CFTR: variants seen among roughly 807,000 people sequenced by gnomAD.
The protein encoded by CFTR is CF transmembrane conductance regulator.
A neutral mutation model predicts 171.6 loss-of-function variants in CFTR; 181 were observed. The ratio of observed to expected loss-of-function variants is 1.05; its 90% confidence interval spans 0.93 to 1.19. The LOEUF (loss-of-function observed/expected upper bound fraction) is 1.19. CFTR is among the 50% of genes most tolerant of loss of function. The probability of loss-of-function intolerance (pLI) is 0.00; values close to 1 mark genes in which losing one functional copy is unlikely to be tolerated. For synonymous variants in CFTR, 583 were observed against 608.0 expected, an observed-to-expected ratio of 0.96 and a Z score of 0.60; for missense variants, 1,968 against 1,734.7, an observed-to-expected ratio of 1.13 and a Z score of -2.39.
In CFTR at chr7:117,559,666, A is replaced by T; in HGVS notation, c.1584+11A>T. 2 of 1,605,516 alleles carry T rather than the reference A, an allele frequency of 1.2e-6. No individual in the cohort carries two copies. The stretch of plus-strand genomic sequence containing the variant: ...TGCCAACTAGAAGAGGTAAGAAACT[A>T]TGTGAAAACTTTTTGATTATGCATA... On this transcript the variant is annotated intron_variant, in intron 11 of 26. Transcript: ENST00000003084.
chr7:117,521,192 C>A (rs1343743189), intron 3 of CFTR, among the ~76,000 whole-genome samples: 5 of 151,880 alleles, frequency 3.3e-5, no homozygotes, highest in Non-Finnish European at 7.4e-5. Context: ...ATTTTTTAAA[C>A]CTCGATCTAT....
intron 9 of CFTR, 131 bp from the exon 10 acceptor site, chr7:117,548,510 C>CA: frequency 6.7e-7 from 1 of 1,488,030 alleles, no homozygotes; most frequent in Non-Finnish European, 9.1e-7. Context: ...ATAATGTATA[C>CA]AGTGTAATGG....
chr7:117,663,108 C>A (rs1289702886), intron 24 of CFTR, among the ~76,000 whole-genome samples: 2 of 152,078 alleles, frequency 1.3e-5, no homozygotes, highest in African/African-American at 4.8e-5. Context: ...ACTAAATGGG[C>A]AGATGTTGAA....
intron 12 of CFTR, among the ~76,000 whole-genome samples, chr7:117,589,817 C>G (rs973926887): frequency 6.6e-6 from 1 of 151,960 alleles, no homozygotes; most frequent in African/African-American, 2.4e-5. Context: ...AAAATAATTT[C>G]ACATAAGTAA....
intron 7 of CFTR, among the ~76,000 whole-genome samples, chr7:117,538,108 A>C (rs1798987629): frequency 6.6e-6 from 1 of 152,186 alleles, no homozygotes; most frequent in Non-Finnish European, 1.5e-5. Flanking sequence ...TGTAACCTGT[A>C]TAATCTGGCA....
At chr7:117,644,983 A>G (rs1204396773) in intron 23 of CFTR, among the ~76,000 whole-genome samples, 2 of 152,198 alleles carry the variant, frequency 1.3e-5, no homozygotes, top group Non-Finnish European at 1.5e-5. Context: ...TTTTAAATGT[A>G]TGTCTAAATC....
chr7:117,661,994 A>AC (rs1177618113), intron 24 of CFTR, among the ~76,000 whole-genome samples: 1 of 151,718 alleles, frequency 6.6e-6, no homozygotes, highest in African/African-American at 2.4e-5. Context: ...AAAAAAAAAA[A>AC]AAAAAAAAAA....
At chr7:117,504,445 A>C in intron 2 of CFTR, 82 bp downstream of exon 2, 1 of 789,882 alleles carries the variant, frequency 1.3e-6, no homozygotes, top group Non-Finnish European at 2.2e-6. Context: ...ACATATTATA[A>C]GTTTAATTCT....
chr7:117,612,319 T>A (rs1301608807), intron 20 of CFTR, among the ~76,000 whole-genome samples: 1 of 151,314 alleles, frequency 6.6e-6, no homozygotes, highest in Non-Finnish European at 1.5e-5. Context: ...TAAAATTTGT[T>A]ATCTAATTGT....
intron 21 of CFTR, among the ~76,000 whole-genome samples, chr7:117,622,170 C>T (rs1305705463): frequency 2.6e-5 from 4 of 152,130 alleles, no homozygotes; most frequent in African/African-American, 9.7e-5. Context: ...ATATAAATAA[C>T]TCATTTATGC....
At chr7:117,604,020 G>T (rs952284689) in intron 17 of CFTR, among the ~76,000 whole-genome samples, 3 of 152,118 alleles carry the variant, frequency 2.0e-5, no homozygotes, top group African/African-American at 7.2e-5. Context: ...GATGTTGGTG[G>T]GACTGTAGCA....
At chr7:117,649,202 G>T (rs1793042243) in intron 23 of CFTR, among the ~76,000 whole-genome samples, 1 of 150,870 alleles carries the variant, frequency 6.6e-6, no homozygotes, top group African/African-American at 2.4e-5. Flanking sequence ...AATTTTAATG[G>T]GTTGTTAGTA....
At position 117,531,119 on chromosome 7, in the gene CFTR, T is replaced by C. The variant is rs1453085631; in HGVS notation, c.489+5T>C. ...TTTAGTTTGATTTATAAGAAGGTAATACTTCCTTGCACAGGCCCCATGGCA... is the reference window on the plus strand; with the variant it reads ...TTTAGTTTGATTTATAAGAAGGTAACACTTCCTTGCACAGGCCCCATGGCA... On this transcript the variant is annotated splice_donor_5th_base_variant and intron_variant, in intron 4 of 26. Transcript: ENST00000003084. 1 of 1,602,538 alleles carries C rather than the reference T, an allele frequency of 6.2e-7. No homozygotes were observed. Among genetic ancestry groups the C allele is most frequent in the Non-Finnish European group, 8.5e-7 (1 of 1,170,992 alleles).
chr7:117,585,931 A>T (rs746735394), intron 11 of CFTR, among the ~76,000 whole-genome samples: 49 of 152,194 alleles, frequency 3.2e-4, no homozygotes, highest in Non-Finnish European at 1.3e-4. Flanking sequence ...TAAGTGAGCC[A>T]CTATGCCCAA....
intron 10 of CFTR, 63 bp downstream of exon 10, chr7:117,548,886 A>G (rs1402813599): frequency 6.4e-7 from 1 of 1,553,466 alleles, no homozygotes; most frequent in Non-Finnish European, 8.7e-7. Context: ...TTTTTTTTCT[A>G]GTTTGTAGTG....
intron 1 of CFTR, among the ~76,000 whole-genome samples, chr7:117,493,783 A>G (rs1275663263): frequency 6.6e-6 from 1 of 152,116 alleles, no homozygotes. Context: ...TAACAGTGGA[A>G]GAAAAAAGGG....
intron 10 of CFTR, among the ~76,000 whole-genome samples, chr7:117,554,688 TA>T (rs914939617): frequency 1.3e-5 from 2 of 151,984 alleles, no homozygotes; most frequent in African/African-American, 4.8e-5. Context: ...CCCAATAAAA[TA>T]AAAGTCTGAG....
chr7:117,592,721 T>G, intron 14 of CFTR, 64 bp downstream of exon 14: 1 of 1,359,254 alleles, frequency 7.4e-7, no homozygotes, highest in Non-Finnish European at 9.6e-7. Context: ...ATGCAATATG[T>G]AGCATGTAAC....
chr7:117,505,397 A>C (rs1022594388), intron 2 of CFTR, among the ~76,000 whole-genome samples: 4 of 152,152 alleles, frequency 2.6e-5, no homozygotes, highest in Non-Finnish European at 4.4e-5. Context: ...AGCCTGAACT[A>C]TGTGAAGACC....
Sources: gnomAD v4.1 joint callset for allele counts (sites outside exome capture counted in the v4.1 genomes callset) on GRCh38, gnomAD v4.1.1 for gene constraint, MANE v1.5 for transcripts, NCBI Gene and HGNC (gene_info 2026-07-23, HGNC 2026-07-21) for gene names.